Variants in LTBP2 observed in about 807,000 individuals in gnomAD.
LTBP2 encodes latent-transforming growth factor beta-binding protein 2.
LTBP2 carries 103 observed loss-of-function variants against 210.6 expected under a neutral mutation model. The ratio of observed to expected loss-of-function variants is 0.49; its 90% CI spans 0.42 to 0.58. The LOEUF is 0.58. Among genes scored for constraint, LTBP2 ranks in the 20% least tolerant of loss-of-function variants. LTBP2 has a pLI of 0.00. For synonymous variants in LTBP2, 1,007 were observed against 1,015.0 expected (o/e 0.99, Z 0.15); for missense variants, 2,313 against 2,494.5 (o/e 0.93, Z 1.55).
At chr14:74,595,216 G>A (rs1397777001) in intron 2 of LTBP2, among the ~76,000 whole-genome samples, 3 of 152,324 alleles carry the variant, frequency 2.0e-5, no homozygotes, top group South Asian at 2.1e-4. Context: ...AGCATGGACC[G>A]CCCTGTTAAT....
intron 8 of LTBP2, among the ~76,000 whole-genome samples, chr14:74,537,487 C>T (rs1377136456): frequency 1.3e-5 from 2 of 152,198 alleles, no homozygotes; most frequent in Non-Finnish European, 2.9e-5. Context: ...ATAAAGGTAG[C>T]TGCATGATGG....
chr14:74,564,225 ATATATATTTATATATATT>A (rs2087856820), intron 3 of LTBP2, among the ~76,000 whole-genome samples: 1 of 26,972 alleles, frequency 3.7e-5, no homozygotes. Flanking sequence ...ATATATTTAT[ATATATATTTATATATATT>A]TATATATATT....
At chr14:74,522,559 C>A (rs570798782) in intron 16 of LTBP2, among the ~76,000 whole-genome samples, 1 of 152,098 alleles carries the variant, frequency 6.6e-6, no homozygotes, top group Admixed American at 6.5e-5. Flanking sequence ...AATGGGCTGG[C>A]TTCTGTGCTC....
chr14:74,503,291 A>T lies in LTBP2; in HGVS notation c.4816T>A (p.Tyr1606Asn). Residue 1606 changes from tyrosine to asparagine, a missense_variant, in exon 33 of 36, where the codon TAC becomes AAC. Physicochemically the swap from Tyr to Asn is moderately radical, Grantham distance 143. Around this residue, in one of 3 missense-constraint regions of LTBP2, gnomAD observed 443 missense variants for 501.4 expected, o/e 0.88. Transcript: ENST00000261978. ...CCGTCCTGGCAGCAGCATTCCGTGT[A>T]GGTGGTGCGGTGCCCACGCAGGGGT... Reference protein sequence around the residue: ...SEPLRGHRTTYTECCCQDGEA... With the variant: ...SEPLRGHRTTNTECCCQDGEA... 6.2e-7 allele frequency: 1 copy of T among 1,614,088 alleles called. No homozygotes were observed. The highest frequency in any genetic ancestry group is 1.1e-5 in the South Asian group (1 of 91,088).
At chr14:74,598,324 G>A (rs950700190) in intron 2 of LTBP2, among the ~76,000 whole-genome samples, 2 of 152,224 alleles carry the variant, frequency 1.3e-5, no homozygotes, top group African/African-American at 2.4e-5. Flanking sequence ...CATTGCCCAC[G>A]TGATACACGC....
rs775302824 is a variant in LTBP2, at chr14:74,509,751, T to C, written c.3260A>G (p.Asp1087Gly). The C allele has an allele frequency of 2.5e-6, 4 of 1,613,976 alleles. No homozygotes were observed. Among genetic ancestry groups the C allele is most frequent in the Middle Eastern group, 1.7e-4 (1 of 6,060 alleles). The change falls in exon 21 of 36, where the codon GAC becomes GGC. Residue 1087 changes from aspartate to glycine, a missense_variant. Around this residue, in one of 3 missense-constraint regions of LTBP2, gnomAD observed 1,867 missense variants for 1,976.9 expected, o/e 0.94. Transcript: ENST00000261978. ...ACENGYWVNE[D>G]GTACEDLDEC... is the part of the protein sequence containing the mutation. ...AGGGTTACCTTCACAGGCAGTGCCG[T>C]CTTCATTCACCCAGTACCCGTTCTC...
chr14:74,529,116 T>C lies in LTBP2; in HGVS notation c.1994A>G (p.Lys665Arg). 2 of 1,551,692 alleles carry C rather than the reference T, an allele frequency of 1.3e-6. No homozygotes were observed. The highest frequency in any genetic ancestry group is 1.2e-5 in the South Asian group (1 of 84,108). ...DPSRSRCVSD[K>R]AISMLQGLCY... Reference sequence around the variant, plus strand: ...CAGTCCCTGCAGCATGGAGATTGCCTTGTCCGCTGCAACAGACACAGCACG... The same window carrying C: ...CAGTCCCTGCAGCATGGAGATTGCCCTGTCCGCTGCAACAGACACAGCACG... The change falls in exon 11 of 36, where the codon AAG becomes AGG. Residue 665 changes from lysine (K) to arginine (R), a missense_variant. Physicochemically the swap from Lys to Arg is conservative, Grantham distance 26 (BLOSUM62 2). This residue lies in a region of LTBP2 where 1,867 missense variants were observed against 1,976.9 expected (regional missense o/e 0.94). Coordinates refer to ENST00000261978, the MANE Select transcript of LTBP2 (RefSeq NM_000428.3).
At chr14:74,547,546 T>C (rs1351941128) in intron 8 of LTBP2, among the ~76,000 whole-genome samples, 1 of 152,168 alleles carries the variant, frequency 6.6e-6, no homozygotes, top group African/African-American at 2.4e-5. Flanking sequence ...TTCCCCTTCA[T>C]TATTTCTCAG....
intron 1 of LTBP2, among the ~76,000 whole-genome samples, chr14:74,607,986 T>A (rs2088551422): frequency 6.7e-6 from 1 of 150,214 alleles, no homozygotes; most frequent in Non-Finnish European, 1.5e-5. Context: ...AGTGGCGCAA[T>A]CTCGGCTCAC....
In LTBP2 at chr14:74,551,261, C is replaced by T. The variant is rs572046340; in HGVS notation, c.1489G>A (p.Gly497Arg). 76 of 1,610,438 alleles carry T rather than the reference C, an allele frequency of 4.7e-5. No individual in the cohort carries two copies. In the South Asian group the frequency reaches 5.2e-4, roughly 11 times the overall value. Residue 497 changes from glycine to arginine, a missense_variant, in exon 7 of 36, where the codon GGG becomes AGG. By Grantham distance (125) the Gly-to-Arg change is moderately radical. Coordinates refer to ENST00000261978, the MANE Select transcript of LTBP2 (RefSeq NM_000428.3). ...TTCTCCACTAGGGCCTCCTCCACCC[C>T]GCCCCGCACCTGGGCCACCTGGTGG... ...QIHQVAQVRG[G>R]VEEALVENSV...
rs778481508 is a variant in LTBP2 at position 74,499,449 on chromosome 14, A to G, written c.*1435T>C. 2.9e-4 allele frequency: 65 copies of G among 227,088 alleles called. No homozygotes were observed. The highest frequency in any genetic ancestry group is 5.1e-4 in the Non-Finnish European group (58 of 114,188). 14.1% of individuals were successfully genotyped at this position (227,088 alleles called of 1,614,324 possible). A position where few individuals can be genotyped will look rare whatever the true frequency, so the allele number is the denominator to read the frequency against. ...GTGCCTGGCACATGGCAAGCATTCA[A>G]TAAGTTATGTGATGGCTAACAATCA... is the stretch of plus-strand genomic sequence containing the variant. On this transcript the variant is annotated 3_prime_UTR_variant, in exon 36 of 36. Transcript: ENST00000261978.
At chr14:74,606,299 G>C (rs1050534207) in intron 1 of LTBP2, among the ~76,000 whole-genome samples, 4 of 152,192 alleles carry the variant, frequency 2.6e-5, no homozygotes, top group Non-Finnish European at 4.4e-5. Flanking sequence ...AGGCCCCCTG[G>C]CACCCATGTG....
intron 8 of LTBP2, among the ~76,000 whole-genome samples, chr14:74,547,618 G>C (rs1214653383): frequency 2.0e-5 from 3 of 152,128 alleles, no homozygotes; most frequent in African/African-American, 7.2e-5. Flanking sequence ...AACTTCTAAG[G>C]CTGCCCCTGA....
intron 17 of LTBP2, among the ~76,000 whole-genome samples, chr14:74,519,942 C>A (rs1470542516): frequency 1.3e-5 from 2 of 152,226 alleles, no homozygotes; most frequent in Non-Finnish European, 2.9e-5. Flanking sequence ...GCTCCTCCAG[C>A]CTGTTCTGAG....
intron 14 of LTBP2, 81 bp downstream of exon 14, chr14:74,525,994 C>T: frequency 7.0e-7 from 1 of 1,430,936 alleles, no homozygotes; most frequent in Non-Finnish European, 9.6e-7. Context: ...AACCAGCTCA[C>T]ACATAGTAAC....
intron 6 of LTBP2, among the ~76,000 whole-genome samples, chr14:74,551,560 G>GC (rs2087656857): frequency 6.6e-6 from 1 of 152,212 alleles, no homozygotes; most frequent in Non-Finnish European, 1.5e-5. Flanking sequence ...CACTGAAGGA[G>GC]CCTCATTATC....
chr14:74,563,855 A>G (rs1442668072), intron 3 of LTBP2, among the ~76,000 whole-genome samples: 1 of 149,612 alleles, frequency 6.7e-6, no homozygotes, highest in African/African-American at 2.5e-5. Flanking sequence ...AGGGCATGTG[A>G]ACTCCTGTGT....
chr14:74,512,744 G>A (rs2087087990), intron 18 of LTBP2, among the ~76,000 whole-genome samples: 1 of 152,208 alleles, frequency 6.6e-6, no homozygotes, highest in Non-Finnish European at 1.5e-5. Flanking sequence ...ATAATCTTGG[G>A]GACACTGAGA....
chr14:74,564,110 TTTATA>T (rs2087841971), intron 3 of LTBP2, among the ~76,000 whole-genome samples: 5 of 32,468 alleles, frequency 1.5e-4, no homozygotes, highest in South Asian at 7.7e-4. Context: ...TATATATATA[TTTATA>T]TATATATATT....
Sources: gnomAD v4.1 joint callset for allele counts (sites outside exome capture counted in the v4.1 genomes callset) on GRCh38, gnomAD v4.1.1 for gene constraint, gnomAD v4.1.1 regional missense constraint, MANE v1.5 for transcripts, NCBI Gene and HGNC (gene_info 2026-07-23, HGNC 2026-07-21) for gene names.